The following PMS1 variants were observed in gnomAD, a reference collection of about 807,000 sequenced individuals.
PMS1 encodes PMS1 protein homolog 1.
In PMS1, 79 loss-of-function variants were observed where a neutral mutation model predicts 93.1. The observed-to-expected ratio is 0.85, with a 90% CI of 0.71 to 1.02. The LOEUF is 1.02. Among genes scored for constraint, PMS1 ranks in the 50% least tolerant of loss-of-function variants. The pLI is 0.00. For missense variants in PMS1, 1,064 were observed against 1,085.3 expected (o/e 0.98, Z 0.28); for synonymous variants, 335 against 363.4 (o/e 0.92, Z 0.89).
intron 4 of PMS1, among the ~76,000 whole-genome samples, chr2:189,807,570 T>C (rs2050459155): frequency 6.6e-6 from 1 of 152,226 alleles, no homozygotes; most frequent in Non-Finnish European, 1.5e-5. Context: ...GTGACCAGTC[T>C]AATCTGGATG....
At chr2:189,784,685 A>C (rs934477424) in intron 1 of PMS1, 92 bp downstream of exon 1, 2 of 152,520 alleles carry the variant, frequency 1.3e-5, no homozygotes, top group Non-Finnish European at 2.9e-5. Context: ...CGCGAACGCT[A>C]TAGGGCAGCT....
intron 4 of PMS1, chr2:189,806,104 G>T: frequency 2.2e-6 from 1 of 452,856 alleles, no homozygotes; most frequent in Non-Finnish European, 3.8e-6. Flanking sequence ...AATTGATTTG[G>T]TAATAGTGGA....
intron 10 of PMS1, 75 bp downstream of exon 10, chr2:189,864,303 G>A (rs2056351044): frequency 9.8e-7 from 1 of 1,024,798 alleles, no homozygotes; most frequent in African/African-American, 1.6e-5. Context: ...ATCGAAGGTA[G>A]AAGGTTGGGA....
rs1433331898 is a variant in PMS1, at chr2:189,843,959, C to A, written c.583-5C>A. 8.1e-6 allele frequency: 13 copies of A among 1,610,206 alleles called. No individual in the cohort carries two copies. Among genetic ancestry groups the A allele is most frequent in the Non-Finnish European group, 1.1e-5 (13 of 1,176,740 alleles). On this transcript the variant is annotated splice_polypyrimidine_tract_variant and splice_region_variant and intron_variant, in intron 5 of 12. Coordinates refer to ENST00000441310, the MANE Select transcript of PMS1 (RefSeq NM_000534.5). ...AAAAGTTATCTATATCATTTTTGTC[C>A]CTAGGCAGTTATTTGGCAGAAAAGC...
intron 2 of PMS1, among the ~76,000 whole-genome samples, chr2:189,793,216 A>C (rs2106220756): frequency 6.6e-6 from 1 of 152,094 alleles, no homozygotes; most frequent in African/African-American, 2.4e-5. Flanking sequence ...GACTCTTAAA[A>C]CCCATTCTTG....
At chr2:189,795,541 T>G (rs2049276692) in intron 2 of PMS1, among the ~76,000 whole-genome samples, 1 of 152,206 alleles carries the variant, frequency 6.6e-6, no homozygotes, top group African/African-American at 2.4e-5. Context: ...AAGATCAGCC[T>G]AACCTCCTTA....
intron 3 of PMS1, among the ~76,000 whole-genome samples, chr2:189,798,958 TCACA>T (rs2049623345): frequency 1.3e-5 from 2 of 152,308 alleles, no homozygotes; most frequent in South Asian, 4.1e-4. Context: ...GAAATAGGTT[TCACA>T]TGAGCTGTAT....
chr2:189,822,354 C>T (rs1052971574), intron 5 of PMS1, among the ~76,000 whole-genome samples: 1 of 152,180 alleles, frequency 6.6e-6, no homozygotes, highest in Non-Finnish European at 1.5e-5. Context: ...GGACTGGAGG[C>T]AGAATACAGC....
intron 5 of PMS1, among the ~76,000 whole-genome samples, chr2:189,828,761 A>G (rs1303460326): frequency 6.6e-6 from 1 of 152,068 alleles, no homozygotes; most frequent in African/African-American, 2.4e-5. Context: ...TTGTATATAA[A>G]CTCTGCCATA....
chr2:189,873,563 A>G lies in PMS1; in HGVS notation c.2541A>G (p.Val847=), dbSNP rs772517576. ...GMANCLPFYG[V]ADLKEILNAI... is the part of the protein sequence containing the mutation. ...CTAATTGTCTCCCATTCTATGGAGT[A>G]GCAGATTTAAAAGAAATTCTTAATG... The change falls in exon 12 of 13, where the codon GTA becomes GTG. Residue 847 remains valine (V), a synonymous_variant. Coordinates refer to ENST00000441310, the MANE Select transcript of PMS1 (RefSeq NM_000534.5). The G allele has an allele frequency of 1.9e-6, 3 of 1,598,374 alleles. No homozygotes were observed. Among genetic ancestry groups the G allele is most frequent in the Non-Finnish European group, 2.6e-6 (3 of 1,165,732 alleles).
chr2:189,861,495 A>T (rs1263332409), intron 9 of PMS1, among the ~76,000 whole-genome samples: 3 of 151,668 alleles, frequency 2.0e-5, no homozygotes. Context: ...CATGCCTGTA[A>T]TCCCAGCACT....
intron 5 of PMS1, among the ~76,000 whole-genome samples, chr2:189,821,635 C>G (rs1301630634): frequency 2.6e-5 from 4 of 151,934 alleles, no homozygotes; most frequent in African/African-American, 7.3e-5. Context: ...ATGGTGAAAC[C>G]CCATCTCTAC....
At chr2:189,800,855 TAA>T (rs1362949640) in intron 3 of PMS1, among the ~76,000 whole-genome samples, 1 of 152,202 alleles carries the variant, frequency 6.6e-6, no homozygotes, top group African/African-American at 2.4e-5. Context: ...GAAGAAAAAT[TAA>T]GTTAGACTTT....
At chr2:189,846,952 C>G (rs1461925566) in intron 6 of PMS1, among the ~76,000 whole-genome samples, 4 of 151,492 alleles carry the variant, frequency 2.6e-5, no homozygotes, top group African/African-American at 4.9e-5. Context: ...ACCTCTGCCC[C>G]CCGGGTTCAA....
chr2:189,858,476 A>T (rs2055593270), intron 9 of PMS1, among the ~76,000 whole-genome samples: 1 of 152,180 alleles, frequency 6.6e-6, no homozygotes, highest in Non-Finnish European at 1.5e-5. Context: ...TCCCTTCTTG[A>T]CATTAAGTAC....
At chr2:189,851,911 C>T (rs568261770) in intron 6 of PMS1, among the ~76,000 whole-genome samples, 22 of 152,260 alleles carry the variant, frequency 1.4e-4, no homozygotes, top group African/African-American at 4.1e-4. Flanking sequence ...TAGCTGTGTT[C>T]ATTAACTAAA....
chr2:189,806,003 A>T, intron 4 of PMS1: 1 of 1,246,394 alleles, frequency 8.0e-7, no homozygotes, highest in Non-Finnish European at 1.1e-6. Context: ...CCTCTGTAAA[A>T]ACTAAGAGTA....
At chr2:189,799,811 A>G (rs905909900) in intron 3 of PMS1, among the ~76,000 whole-genome samples, 9 of 151,872 alleles carry the variant, frequency 5.9e-5, no homozygotes, top group Admixed American at 1.3e-4. Context: ...CCTGCATCCA[A>G]TGAATCCAGT....
intron 10 of PMS1, among the ~76,000 whole-genome samples, chr2:189,867,218 C>G (rs942819934): frequency 2.0e-5 from 3 of 152,126 alleles, no homozygotes; most frequent in African/African-American, 7.2e-5. Flanking sequence ...AGCCTAAAAC[C>G]AATATGTGTG....
Sources: gnomAD v4.1 joint callset for allele counts (sites outside exome capture counted in the v4.1 genomes callset) on GRCh38, gnomAD v4.1.1 for gene constraint, MANE v1.5 for transcripts, NCBI Gene and HGNC (gene_info 2026-07-23, HGNC 2026-07-21) for gene names.